GRK2: variants seen among roughly 807,000 people sequenced by gnomAD.
The protein encoded by GRK2 is adrenergic beta receptor kinase 1.
Under a neutral mutation model 97.8 loss-of-function variants are expected in GRK2, and 23 were observed. The observed-to-expected ratio is 0.24, with a 90% CI of 0.17 to 0.33. GRK2 has a LOEUF of 0.33. Ranked by LOEUF, GRK2 falls within the 10% of genes least tolerant of loss-of-function variation. GRK2 has a pLI of 1.00. For synonymous variants in GRK2, 425 were observed against 381.7 expected (o/e 1.11, Z -1.32); for missense variants, 633 against 956.9 (o/e 0.66, Z 4.47).
intron 18 of GRK2, 36 bp downstream of exon 18, chr11:67,284,409 G>T: frequency 1.2e-6 from 2 of 1,606,470 alleles, no homozygotes; most frequent in Non-Finnish European, 1.7e-6. Flanking sequence ...CCAGGCCCCT[G>T]CCTGCTTAGA....
intron 1 of GRK2, among the ~76,000 whole-genome samples, chr11:67,275,482 C>T (rs1466584595): frequency 7.0e-6 from 1 of 142,798 alleles, no homozygotes; most frequent in Non-Finnish European, 1.5e-5. Context: ...CCACCCCCTT[C>T]CCCTTCTTCC....
At position 67,283,723 on chromosome 11, in the gene GRK2, G is replaced by A; in HGVS notation, c.1345G>A (p.Glu449Lys). Residue 449 changes from glutamate (E) to lysine (K), a missense_variant, in exon 16 of 21, where the codon GAG becomes AAG. Glu to Lys is a moderately conservative substitution (Grantham distance 56, BLOSUM62 1). Coordinates refer to ENST00000308595, the MANE Select transcript of GRK2 (RefSeq NM_001619.5). ...CLGRGAQEVK[E>K]SPFFRSLDWQ... ...TCCCCACAGGGCTCAGGAGGTGAAA[G>A]AGAGCCCCTTTTTCCGCTCCCTGGA... 6.2e-7 allele frequency: 1 copy of A among 1,613,576 alleles called. No individual in the cohort carries two copies.
chr11:67,274,029 T>C (rs1221672633), intron 1 of GRK2, among the ~76,000 whole-genome samples: 3 of 150,492 alleles, frequency 2.0e-5, no homozygotes, highest in African/African-American at 7.3e-5. Context: ...TTTTTTTTTT[T>C]TGAGACAGAG....
At position 67,283,902 on chromosome 11, in the gene GRK2, G is replaced by T; in HGVS notation, c.1444G>T (p.Ala482Ser). The T allele has an allele frequency of 6.2e-7, 1 of 1,612,944 alleles. No individual in the cohort carries two copies. Among genetic ancestry groups the T allele is most frequent in the Non-Finnish European group, 8.5e-7 (1 of 1,179,768 alleles). ...PPRGEVNAADAFDIGSFDEED... is the reference protein window; with the variant it reads ...PPRGEVNAADSFDIGSFDEED... ...ACGAGGGGAGGTGAACGCGGCCGAC[G>T]CCTTCGACATTGGCTCCTTCGATGA... The change falls in exon 17 of 21, where the codon GCC becomes TCC. Residue 482 changes from alanine to serine, a missense_variant. Coordinates refer to ENST00000308595, the MANE Select transcript of GRK2 (RefSeq NM_001619.5).
intron 15 of GRK2, 123 bp downstream of exon 15, chr11:67,283,351 C>T (rs770662301): frequency 1.4e-5 from 12 of 861,982 alleles, no homozygotes; most frequent in Non-Finnish European, 2.1e-5. Flanking sequence ...TAAGTTGGGG[C>T]ATGGCCAGCC....
intron 17 of GRK2, 120 bp downstream of exon 17, chr11:67,284,069 T>G (rs1860218151): frequency 7.0e-7 from 1 of 1,421,976 alleles, no homozygotes; most frequent in South Asian, 1.3e-5. Flanking sequence ...TAGGCCTCAG[T>G]TCCTCCTTGG....
rs1231255645 is a variant in GRK2, at chr11:67,276,482, CT to C, written c.114-789del. On this transcript the variant is annotated intron_variant, in intron 1 of 20. Transcript: ENST00000308595. The surrounding 1 kb of genome is among the most constrained non-coding windows in gnomAD (Gnocchi z 4.2). ...AGGGTCACAATGGCCAGGCCCTCCC[CT>C]ATGGCCATACCAAGCAACCCAGGGC... 6.6e-6 allele frequency: 1 copy of C among 152,098 alleles called. No homozygotes were observed. The highest frequency in any genetic ancestry group is 2.4e-5 in the African/African-American group (1 of 41,374). The allele number at this position is 152,098 out of a possible 1,614,324, so 9.4% of individuals were successfully genotyped here. A position where few individuals can be genotyped will look rare whatever the true frequency, so the allele number is the denominator to read the frequency against.
rs1297651633 is a variant in GRK2 at position 67,279,510 on chromosome 11, C to A, written c.357C>A (p.Ala119=). The A allele has an allele frequency of 6.2e-7, 1 of 1,613,180 alleles. No homozygotes were observed. ...FDSYIMKELL[A]CSHPFSKSAT... ...CATACATCATGAAGGAGCTGCTGGCCTGCTCGCATGTGAGTGTCCTCAGCT... is the reference window on the plus strand; with the variant it reads ...CATACATCATGAAGGAGCTGCTGGCATGCTCGCATGTGAGTGTCCTCAGCT... The change falls in exon 4 of 21, where the codon GCC becomes GCA. Residue 119 remains alanine (A), a synonymous_variant. Coordinates refer to ENST00000308595, the MANE Select transcript of GRK2 (RefSeq NM_001619.5).
Position 67,281,414 on chromosome 11 carries a change from C to G in GRK2, c.648-45C>G, listed in dbSNP as rs1245858346. On this transcript the variant is annotated intron_variant, in intron 8 of 20. Transcript: ENST00000308595. This position sits in a 1 kb window ranked among gnomAD's most constrained non-coding sequence, Gnocchi z 5.7. ...AGCGCCCCCTGAGGCAGCCCTGGGC[C>G]CCTGCTCTGAGGGTGGGTGTTGACT... is the stretch of plus-strand genomic sequence containing the variant. 3 of 1,562,368 alleles carry G rather than the reference C, an allele frequency of 1.9e-6. No homozygotes were observed. In the South Asian group the frequency reaches 3.3e-5, roughly 17 times the overall value.
rs1487520577 is a variant in GRK2 at position 67,281,341 on chromosome 11, G to T, written c.648-118G>T. The stretch of plus-strand genomic sequence containing the variant: ...GGCTCCTCTGGCCCCAGCCCTCCCT[G>T]TCTCTGATTTGTGTCACACGCTGGT... On this transcript the variant is annotated intron_variant, in intron 8 of 20. Coordinates refer to ENST00000308595, the MANE Select transcript of GRK2 (RefSeq NM_001619.5). The surrounding 1 kb of genome is among the most constrained non-coding windows in gnomAD (Gnocchi z 5.7). The T allele has an allele frequency of 2.6e-6, 3 of 1,137,910 alleles. No homozygotes were observed. The highest frequency in any genetic ancestry group is 3.9e-5 in the Admixed American group (2 of 51,212). The allele number at this position is 1,137,910 out of a possible 1,614,324, so 70.5% of individuals were successfully genotyped here.
chr11:67,272,171 C>T (rs1859925710), intron 1 of GRK2, among the ~76,000 whole-genome samples: 1 of 152,208 alleles, frequency 6.6e-6, no homozygotes, highest in South Asian at 2.1e-4. Context: ...TGCTCGTCTC[C>T]TACAGCTCCT....
At position 67,284,963 on chromosome 11, in the gene GRK2, C is replaced by T. The variant is rs1175693753; in HGVS notation, c.1771C>T (p.Arg591Trp). Residue 591 changes from arginine to tryptophan, a missense_variant, in exon 19 of 21, where the codon CGG becomes TGG. Around this residue, in one of 4 missense-constraint regions of GRK2, gnomAD observed 180 missense variants for 311.3 expected, o/e 0.58. Coordinates refer to ENST00000308595, the MANE Select transcript of GRK2 (RefSeq NM_001619.5). ...FYLFPNRLEW[R>W]GEGEAPQSLL... ...CCTGTTCCCCAACCGCCTCGAGTGG[C>T]GGGGCGAGGGCGAGGCCCCGGTAAG... is the stretch of plus-strand genomic sequence containing the variant. 26 of 1,610,578 alleles carry T rather than the reference C, an allele frequency of 1.6e-5. No homozygotes were observed. The highest frequency in any genetic ancestry group is 5.0e-5 in the Admixed American group (3 of 59,518).
chr11:67,277,645 G>GGCCGCA (rs1302336488), intron 2 of GRK2, among the ~76,000 whole-genome samples: 48 of 152,326 alleles, frequency 3.2e-4, no homozygotes, highest in Non-Finnish European at 1.0e-4. Context: ...CCCTTGGCGC[G>GGCCGCA]GCCGCAGCTG....
chr11:67,283,001 C>T, intron 14 of GRK2, 127 bp from the exon 15 acceptor site: 1 of 1,190,526 alleles, frequency 8.4e-7, no homozygotes. Flanking sequence ...AGCATGACTG[C>T]TGGGCGAGCT....
Position 67,282,820 on chromosome 11 carries a change from T to TA in GRK2, c.1227+2_1227+3insA. 6 of 1,608,602 alleles carry TA rather than the reference T, an allele frequency of 3.7e-6. No homozygotes were observed. The highest frequency in any genetic ancestry group is 5.1e-6 in the Non-Finnish European group (6 of 1,179,418). ...ATCGACCGCATGACGCTGACGATGGTGGGTGCAGGTCTCAGTGCAGGGCCG... is the reference window on the plus strand; with the variant it reads ...ATCGACCGCATGACGCTGACGATGGTAGGGTGCAGGTCTCAGTGCAGGGCCG... On this transcript the variant is annotated splice_region_variant and intron_variant, in intron 14 of 20. Coordinates refer to ENST00000308595, the MANE Select transcript of GRK2 (RefSeq NM_001619.5). This position sits in a 1 kb window ranked among gnomAD's most constrained non-coding sequence, Gnocchi z 6.9.
At chr11:67,275,530 G>A (rs1207208531) in intron 1 of GRK2, among the ~76,000 whole-genome samples, 2 of 150,934 alleles carry the variant, frequency 1.3e-5, no homozygotes, top group Non-Finnish European at 2.9e-5. Flanking sequence ...TCCTCCGCGT[G>A]GCGCCTCCAG....
intron 1 of GRK2, among the ~76,000 whole-genome samples, chr11:67,274,889 C>T (rs780020832): frequency 9.2e-5 from 14 of 152,152 alleles, no homozygotes; most frequent in South Asian, 2.1e-4. Flanking sequence ...GGCCCATCCT[C>T]GGAGCTCCTG....
chr11:67,278,736 T>C (rs1860083879), intron 2 of GRK2, among the ~76,000 whole-genome samples: 1 of 152,220 alleles, frequency 6.6e-6, no homozygotes, highest in Admixed American at 6.5e-5. Flanking sequence ...TTCCCCATGC[T>C]GCAGCCTGAC....
At position 67,283,898 on chromosome 11, in the gene GRK2, C is replaced by T. The variant is rs200362207; in HGVS notation, c.1440C>T (p.Ala480=). 1.7e-5 allele frequency: 27 copies of T among 1,612,944 alleles called. No homozygotes were observed. In the Middle Eastern group the frequency reaches 6.6e-4, roughly 39 times the overall value. Residue 480 remains alanine (A), a synonymous_variant, in exon 17 of 21, where the codon GCC becomes GCT. Transcript: ENST00000308595. The part of the protein sequence containing the change: ...LIPPRGEVNA[A]DAFDIGSFDE... Reference sequence around the variant, plus strand: ...CCCCACGAGGGGAGGTGAACGCGGCCGACGCCTTCGACATTGGCTCCTTCG... The same window carrying T: ...CCCCACGAGGGGAGGTGAACGCGGCTGACGCCTTCGACATTGGCTCCTTCG...
Sources: allele counts gnomAD v4.1 joint callset (sites outside exome capture counted in the v4.1 genomes callset), GRCh38; gene constraint gnomAD v4.1.1; regional missense constraint gnomAD v4.1.1; non-coding constraint Gnocchi (gnomAD v3.1); transcripts MANE v1.5; gene names NCBI Gene and HGNC (gene_info 2026-07-23, HGNC 2026-07-21).